SSUH2: variants seen among roughly 807,000 people sequenced by gnomAD.
SSUH2 encodes ssu-2 homolog.
SSUH2 carries 47 observed loss-of-function variants against 55.3 expected under a neutral mutation model. That is an observed-to-expected ratio of 0.85 (90% CI 0.67 to 1.08). SSUH2 has a LOEUF of 1.08. Ranked by LOEUF, SSUH2 falls within the 50% of genes least tolerant of loss-of-function variation. The pLI, the probability that SSUH2 is intolerant of heterozygous loss-of-function variation, is 0.00. For synonymous variants in SSUH2, 212 were observed against 191.5 expected (o/e 1.11, Z -0.89); for missense variants, 535 against 490.7 (o/e 1.09, Z -0.85).
intron 4 of SSUH2, among the ~76,000 whole-genome samples, chr3:8,632,487 T>C (rs1288102318): frequency 6.6e-6 from 1 of 152,226 alleles, no homozygotes; most frequent in Non-Finnish European, 1.5e-5. Context: ...GATATCAAGA[T>C]CTTCCTTCTT....
chr3:8,676,635 C>T (rs1272804688), intron 3 of SSUH2, among the ~76,000 whole-genome samples: 2 of 151,002 alleles, frequency 1.3e-5, no homozygotes, highest in African/African-American at 2.4e-5. Context: ...TATGGGGAGT[C>T]ATATCTGCCT....
intron 2 of SSUH2, among the ~76,000 whole-genome samples, chr3:8,678,204 G>A (rs1705571095): frequency 6.6e-6 from 1 of 151,992 alleles, no homozygotes; most frequent in Admixed American, 6.5e-5. Flanking sequence ...CCTCCGCCTT[G>A]GAATATTATG....
chr3:8,624,698 C>T (rs184759559), intron 10 of SSUH2, among the ~76,000 whole-genome samples: 128 of 152,340 alleles, frequency 8.4e-4, no homozygotes, highest in African/African-American at 3.0e-3. Context: ...ATCAGGAAAG[C>T]GGCCATAGAC....
At chr3:8,627,639 G>A in intron 8 of SSUH2, 59 bp downstream of exon 8, 3 of 1,407,570 alleles carry the variant, frequency 2.1e-6, no homozygotes, top group Non-Finnish European at 2.9e-6. Context: ...CAGATGGGCA[G>A]GCAATGAAAA....
intron 5 of SSUH2, among the ~76,000 whole-genome samples, chr3:8,664,510 A>T (rs966386558): frequency 1.3e-5 from 2 of 152,246 alleles, no homozygotes; most frequent in African/African-American, 4.8e-5. Flanking sequence ...TTTAAAAAGC[A>T]TGTATCCAAA....
At chr3:8,666,310 T>A (rs1156913888) in intron 5 of SSUH2, among the ~76,000 whole-genome samples, 1 of 152,236 alleles carries the variant, frequency 6.6e-6, no homozygotes, top group African/African-American at 2.4e-5. Context: ...TAAGCAATGC[T>A]GAGAAACAAG....
At chr3:8,636,209 A>G (rs1212608234) in intron 1 of SSUH2, among the ~76,000 whole-genome samples, 2 of 152,212 alleles carry the variant, frequency 1.3e-5, no homozygotes, top group East Asian at 3.8e-4. Flanking sequence ...GACTGCCTCA[A>G]CCAAGAGAAC....
rs1172314219 is a variant in SSUH2 at position 8,676,570 on chromosome 3, G to A, written c.-753+636C>T. 1.3e-5 allele frequency among the ~76,000 whole-genome samples: 2 copies of A among 150,856 alleles called. 1 individual carries two copies. The highest frequency in any genetic ancestry group is 2.9e-5 in the Non-Finnish European group (2 of 67,848). Reference sequence around the variant, plus strand: ...ATATTGGGAGTAATATCAACCTCTCGGCCTCTGAATATTAGGAAGAATATC... The same window carrying A: ...ATATTGGGAGTAATATCAACCTCTCAGCCTCTGAATATTAGGAAGAATATC... On this transcript the variant is annotated intron_variant, in intron 3 of 18. Transcript: ENST00000317371.
intron 7 of SSUH2, among the ~76,000 whole-genome samples, chr3:8,629,111 G>A (rs892356587): frequency 6.6e-6 from 1 of 152,082 alleles, no homozygotes; most frequent in East Asian, 1.9e-4. Flanking sequence ...TGCCCGCCTT[G>A]GCCTCCCAAA....
chr3:8,639,907 C>A (rs1329772320), intron 1 of SSUH2: 3 of 951,682 alleles, frequency 3.2e-6, no homozygotes, highest in Non-Finnish European at 3.8e-6. Flanking sequence ...GAGTGGGAAT[C>A]CAACAGGCAC....
chr3:8,633,654 C>T lies in SSUH2; in HGVS notation c.339+12G>A, dbSNP rs528665497. On this transcript the variant is annotated intron_variant, in intron 4 of 11. Coordinates refer to ENST00000544814, the MANE Select transcript of SSUH2 (RefSeq NM_001256748.3). ...CCCCGGCCAAGGCCCCCCACCGGCC[C>T]TGGCCTCTCACCCTGCAGAGGGTCT... The T allele has an allele frequency of 2.9e-4, 443 of 1,508,490 alleles. 2 individuals carry two copies. The highest frequency in any genetic ancestry group is 1.2e-3 in the South Asian group (88 of 73,814). 93.4% of individuals were successfully genotyped at this position (1,508,490 alleles called of 1,614,324 possible).
chr3:8,669,882 T>A (rs1704357633), intron 5 of SSUH2, among the ~76,000 whole-genome samples: 2 of 152,080 alleles, frequency 1.3e-5, no homozygotes, highest in African/African-American at 2.4e-5. Context: ...ACGGGGGACA[T>A]GGGACTCAAT....
intron 5 of SSUH2, among the ~76,000 whole-genome samples, chr3:8,664,918 G>C (rs374943609): frequency 6.6e-6 from 1 of 152,336 alleles, no homozygotes; most frequent in South Asian, 2.1e-4. Context: ...TTCTGGATTT[G>C]AATCCTCATC....
intron 6 of SSUH2, among the ~76,000 whole-genome samples, chr3:8,663,293 C>A (rs75385830): frequency 3.9e-5 from 6 of 152,388 alleles, no homozygotes; most frequent in South Asian, 2.1e-4. Context: ...CCAGGCTCTA[C>A]CACACTGCAT....
chr3:8,635,621 T>A, intron 2 of SSUH2, 138 bp downstream of exon 2: 1 of 859,122 alleles, frequency 1.2e-6, no homozygotes, highest in Non-Finnish European at 1.7e-6. Context: ...TCTTTCCACC[T>A]GCCCAAGATG....
At chr3:8,631,390 G>C (rs1698742208) in intron 5 of SSUH2, among the ~76,000 whole-genome samples, 2 of 151,722 alleles carry the variant, frequency 1.3e-5, no homozygotes, top group Non-Finnish European at 2.9e-5. Context: ...TCTGTTCAAG[G>C]AGACAGACAG....
chr3:8,646,153 T>A (rs1415637333), upstream of SSUH2, among the ~76,000 whole-genome samples: 1 of 152,218 alleles, frequency 6.6e-6, no homozygotes. Flanking sequence ...TGTATGCCTT[T>A]CTCTGCGTGT....
At chr3:8,672,062 A>C (rs1195695929) in intron 3 of SSUH2, 3 of 152,034 alleles carry the variant, frequency 2.0e-5, no homozygotes, top group Non-Finnish European at 4.4e-5. Context: ...ATATCACGGG[A>C]GTGTTTCCAC....
chr3:8,643,203 G>A (rs1231283592), intron 1 of SSUH2, among the ~76,000 whole-genome samples: 2 of 152,118 alleles, frequency 1.3e-5, no homozygotes, highest in Non-Finnish European at 1.5e-5. Flanking sequence ...TGTAGCCAAC[G>A]AATCTTTGAT....
Sources: allele counts gnomAD v4.1 joint callset (sites outside exome capture counted in the v4.1 genomes callset), GRCh38; gene constraint gnomAD v4.1.1; transcripts MANE v1.5; gene names NCBI Gene and HGNC (gene_info 2026-07-23, HGNC 2026-07-21).